Variants in NUDT3 observed in about 807,000 individuals in gnomAD.
NUDT3 encodes nudix hydrolase 3.
In NUDT3, 9 loss-of-function variants were observed where a neutral mutation model predicts 23.6. That is an observed-to-expected ratio of 0.38 (90% CI 0.23 to 0.66). The LOEUF is 0.66. NUDT3 is among the 30% of genes least tolerant of loss of function. The pLI is 0.52. For synonymous variants in NUDT3, 86 were observed against 82.6 expected, an observed-to-expected ratio of 1.04 and a Z score of -0.22; for missense variants, 172 against 218.5, an observed-to-expected ratio of 0.79 and a Z score of 1.34.
chr6:34,310,170 C>T (rs2113708876), intron 2 of NUDT3, among the ~76,000 whole-genome samples: 1 of 152,186 alleles, frequency 6.6e-6, no homozygotes, highest in South Asian at 2.1e-4. Flanking sequence ...GAGTTTGAGG[C>T]TCCAGTGAGC....
At chr6:34,343,917 A>G (rs1382176272) in intron 1 of NUDT3, among the ~76,000 whole-genome samples, 1 of 152,272 alleles carries the variant, frequency 6.6e-6, no homozygotes, top group Non-Finnish European at 1.5e-5. Context: ...CAAATGGCTA[A>G]TAAGCACATG....
At chr6:34,371,568 T>C (rs1561921798) in intron 1 of NUDT3, among the ~76,000 whole-genome samples, 1 of 152,226 alleles carries the variant, frequency 6.6e-6, no homozygotes. Context: ...AAATTGTTAT[T>C]GATTCCTTAC....
At chr6:34,378,366 A>G (rs528195126) in intron 1 of NUDT3, among the ~76,000 whole-genome samples, 68 of 152,302 alleles carry the variant, frequency 4.5e-4, no homozygotes, top group Non-Finnish European at 8.2e-4. Flanking sequence ...TCTCCCACAC[A>G]CAAAAAAACT....
chr6:34,366,299 T>C (rs2113755849), intron 1 of NUDT3, among the ~76,000 whole-genome samples: 1 of 149,922 alleles, frequency 6.7e-6, no homozygotes, highest in East Asian at 2.0e-4. Context: ...TCACTTGAGC[T>C]GAGGAGGTTG....
intron 1 of NUDT3, among the ~76,000 whole-genome samples, chr6:34,381,677 A>G (rs1765020059): frequency 6.6e-6 from 1 of 152,232 alleles, no homozygotes; most frequent in Admixed American, 6.5e-5. Context: ...TACCACAGTG[A>G]TAGATGTAAA....
At chr6:34,302,731 C>A (rs987823201) in intron 2 of NUDT3, among the ~76,000 whole-genome samples, 7 of 152,092 alleles carry the variant, frequency 4.6e-5, no homozygotes, top group Admixed American at 3.9e-4. Flanking sequence ...GAGACTCCGT[C>A]TCAAAAAAAC....
At chr6:34,341,003 G>A (rs1356260342) in intron 2 of NUDT3, among the ~76,000 whole-genome samples, 2 of 152,164 alleles carry the variant, frequency 1.3e-5, no homozygotes. Context: ...TGTTGTAAGT[G>A]CTTTTTTATA....
chr6:34,359,725 C>T (rs990345844), intron 1 of NUDT3, among the ~76,000 whole-genome samples: 1 of 152,170 alleles, frequency 6.6e-6, no homozygotes, highest in Non-Finnish European at 1.5e-5. Flanking sequence ...GTAAATAGTG[C>T]TGAACATTCC....
At chr6:34,360,423 A>C (rs1764632501) in intron 1 of NUDT3, among the ~76,000 whole-genome samples, 1 of 151,918 alleles carries the variant, frequency 6.6e-6, no homozygotes, top group Non-Finnish European at 1.5e-5. Context: ...AAAATACAAA[A>C]ATTAGCCAGG....
intron 1 of NUDT3, among the ~76,000 whole-genome samples, chr6:34,359,720 T>C (rs1181490182): frequency 6.6e-6 from 1 of 152,236 alleles, no homozygotes; most frequent in Non-Finnish European, 1.5e-5. Flanking sequence ...CTATTGTAAA[T>C]AGTGCTGAAC....
At chr6:34,333,950 AAC>A (rs963113659) in intron 2 of NUDT3, among the ~76,000 whole-genome samples, 1 of 152,236 alleles carries the variant, frequency 6.6e-6, no homozygotes, top group Non-Finnish European at 1.5e-5. Context: ...AGACAGGAAA[AAC>A]ACAAAATAAA....
intron 2 of NUDT3, among the ~76,000 whole-genome samples, chr6:34,331,603 AC>A (rs1304447845): frequency 6.6e-6 from 1 of 152,200 alleles, no homozygotes; most frequent in African/African-American, 2.4e-5. Context: ...CAGAGAACTA[AC>A]CACACTTTTT....
chr6:34,320,233 T>C (rs1208617067), intron 2 of NUDT3, among the ~76,000 whole-genome samples: 1 of 148,622 alleles, frequency 6.7e-6, no homozygotes, highest in African/African-American at 2.5e-5. Flanking sequence ...TTTTCTGCTC[T>C]TTTTTTTTTG....
chr6:34,386,040 T>G (rs1301469299), intron 1 of NUDT3, among the ~76,000 whole-genome samples: 1 of 152,146 alleles, frequency 6.6e-6, no homozygotes, highest in African/African-American at 2.4e-5. Context: ...CAATAACAAG[T>G]ACAATGAACA....
intron 2 of NUDT3, among the ~76,000 whole-genome samples, chr6:34,325,798 T>C (rs887449312): frequency 1.3e-5 from 2 of 152,210 alleles, no homozygotes; most frequent in South Asian, 2.1e-4. Context: ...TGTCTTCTTA[T>C]CAAGTAAAAA....
intron 2 of NUDT3, among the ~76,000 whole-genome samples, chr6:34,323,973 T>C (rs973683606): frequency 2.0e-5 from 3 of 152,222 alleles, no homozygotes; most frequent in African/African-American, 7.2e-5. Flanking sequence ...TGGTAAGCTA[T>C]AGTGGGCACT....
chr6:34,341,321 G>A (rs1764285085), intron 2 of NUDT3, among the ~76,000 whole-genome samples: 1 of 151,914 alleles, frequency 6.6e-6, no homozygotes, highest in African/African-American at 2.4e-5. Context: ...GTATCTAGTA[G>A]GATATCATGG....
chr6:34,391,846 G>A (rs975806343), intron 1 of NUDT3, among the ~76,000 whole-genome samples: 1 of 151,284 alleles, frequency 6.6e-6, no homozygotes, highest in Non-Finnish European at 1.5e-5. Context: ...ACAAAGGCCG[G>A]CCCGCGCCTC....
At position 34,311,055 on chromosome 6, in the gene NUDT3, G is replaced by A. The variant is rs922999402; in HGVS notation, c.211-15370C>T. On this transcript the variant is annotated intron_variant, in intron 2 of 4. Coordinates refer to ENST00000607016, the MANE Select transcript of NUDT3 (RefSeq NM_006703.4). ...GAAGACTTCCTCAATTTGATACAGA[G>A]TAAGTACAAAAAACTATCGCTAACA... 3.3e-5 allele frequency among the ~76,000 whole-genome samples: 5 copies of A among 150,630 alleles called. No individual in the cohort carries two copies. In the East Asian group the frequency reaches 9.7e-4, roughly 29 times the overall value.
Sources: allele counts gnomAD v4.1 joint callset (sites outside exome capture counted in the v4.1 genomes callset), GRCh38; gene constraint gnomAD v4.1.1; transcripts MANE v1.5; gene names NCBI Gene and HGNC (gene_info 2026-07-23, HGNC 2026-07-21).